The following AGTPBP1 variants were observed in gnomAD, a reference collection of about 807,000 sequenced individuals.
The protein encoded by AGTPBP1 is cytosolic carboxypeptidase 1.
In AGTPBP1, 70 loss-of-function variants were observed where a neutral mutation model predicts 143.9. The observed-to-expected ratio is 0.49, with a 90% CI of 0.40 to 0.59. The LOEUF is 0.59. Ranked by LOEUF, AGTPBP1 falls within the 20% of genes least tolerant of loss-of-function variation. AGTPBP1 has a pLI of 0.00. For missense variants in AGTPBP1, 1,229 were observed against 1,464.5 expected (o/e 0.84, Z 2.62); for synonymous variants, 463 against 500.2 (o/e 0.93, Z 0.99).
At chr9:85,572,693 G>A (rs951296629) in intron 25 of AGTPBP1, among the ~76,000 whole-genome samples, 2 of 152,034 alleles carry the variant, frequency 1.3e-5, no homozygotes, top group Non-Finnish European at 2.9e-5. Context: ...CACCAGTAAC[G>A]GTCTGTTGAC....
chr9:85,724,703 G>C (rs747993547), intron 1 of AGTPBP1, among the ~76,000 whole-genome samples: 14 of 152,110 alleles, frequency 9.2e-5, no homozygotes, highest in Non-Finnish European at 1.2e-4. Context: ...CAATAACACA[G>C]ACAACTAATT....
At chr9:85,721,373 T>C (rs1838101554) in intron 1 of AGTPBP1, among the ~76,000 whole-genome samples, 5 of 152,230 alleles carry the variant, frequency 3.3e-5, no homozygotes, top group East Asian at 1.9e-4. Context: ...ATATTTAGGA[T>C]AGTTAGCTCT....
intron 1 of AGTPBP1, among the ~76,000 whole-genome samples, chr9:85,724,047 G>A (rs936091788): frequency 6.6e-6 from 1 of 152,098 alleles, no homozygotes; most frequent in Non-Finnish European, 1.5e-5. Context: ...AGCACTTTGG[G>A]AGGCCGAGGA....
the AGTPBP1 span, chr9:85,764,709 C>G: frequency 4.9e-5 from 56 of 1,146,480 alleles, 5 homozygotes; most frequent in South Asian, 6.9e-4. Flanking sequence ...ATCTTTTAGG[C>G]CTTAAACACA....
At chr9:85,758,439 G>A in the AGTPBP1 span, among the ~76,000 whole-genome samples, 62 of 152,234 alleles carry the variant, frequency 4.1e-4, no homozygotes, top group Non-Finnish European at 6.8e-4. Context: ...GAGGTCAGGC[G>A]TTCGAAACCA....
the AGTPBP1 span, among the ~76,000 whole-genome samples, chr9:85,784,792 C>T: frequency 5.3e-5 from 8 of 152,230 alleles, no homozygotes; most frequent in East Asian, 7.7e-4. Flanking sequence ...CAGAGTGAGC[C>T]GTGGGGACTG....
intron 19 of AGTPBP1, among the ~76,000 whole-genome samples, chr9:85,591,296 TATG>T (rs760296199): frequency 6.6e-6 from 1 of 152,014 alleles, no homozygotes; most frequent in Non-Finnish European, 1.5e-5. Flanking sequence ...CAGGGTATTT[TATG>T]ATAAGATTAG....
At chr9:85,620,862 T>A (rs979582256) in intron 15 of AGTPBP1, among the ~76,000 whole-genome samples, 1 of 152,306 alleles carries the variant, frequency 6.6e-6, no homozygotes, top group African/African-American at 2.4e-5. Flanking sequence ...CAAGCCAGCA[T>A]TTCATATAAA....
chr9:85,665,522 T>C lies in AGTPBP1; in HGVS notation c.662+3963A>G, dbSNP rs1420157113. 3.3e-5 allele frequency among the ~76,000 whole-genome samples: 5 copies of C among 152,152 alleles called. No homozygotes were observed. In the East Asian group the frequency reaches 7.7e-4, roughly 23 times the overall value. Reference sequence around the variant, plus strand: ...TTATGACAGCCCTAGAAAACTAATATAATAACTTACATGCAATCACTTACA... The same window carrying C: ...TTATGACAGCCCTAGAAAACTAATACAATAACTTACATGCAATCACTTACA... On this transcript the variant is annotated intron_variant, in intron 8 of 25. Transcript: ENST00000357081.
At chr9:85,775,603 T>C in the AGTPBP1 span, among the ~76,000 whole-genome samples, 2 of 148,164 alleles carry the variant, frequency 1.3e-5, no homozygotes, top group Non-Finnish European at 3.0e-5. Flanking sequence ...TATATATAAA[T>C]ATAAAGGGGA....
intron 11 of AGTPBP1, among the ~76,000 whole-genome samples, chr9:85,648,233 G>A (rs1283070022): frequency 6.6e-6 from 1 of 152,186 alleles, no homozygotes; most frequent in African/African-American, 2.4e-5. Flanking sequence ...TACGTAAAGT[G>A]CCAGGCAGAG....
chr9:85,770,940 A>G, the AGTPBP1 span, among the ~76,000 whole-genome samples: 1 of 152,122 alleles, frequency 6.6e-6, no homozygotes, highest in Admixed American at 6.5e-5. Context: ...GAAGTGGTGT[A>G]TCAGTGGCAA....
chr9:85,793,599 T>C, the AGTPBP1 span: 1 of 152,168 alleles, frequency 6.6e-6, no homozygotes, highest in African/African-American at 2.4e-5. Flanking sequence ...AGTATTCTAG[T>C]GGATTGTGAA....
intron 11 of AGTPBP1, among the ~76,000 whole-genome samples, chr9:85,646,922 A>C (rs747303033): frequency 5.3e-5 from 8 of 151,930 alleles, no homozygotes; most frequent in Non-Finnish European, 1.2e-4. Flanking sequence ...AATACCAACG[A>C]TAGCTGGTGT....
intron 17 of AGTPBP1, among the ~76,000 whole-genome samples, chr9:85,610,346 T>C (rs1248573225): frequency 6.6e-6 from 1 of 152,186 alleles, no homozygotes; most frequent in African/African-American, 2.4e-5. Context: ...GACACAGCAC[T>C]ATTTAGTGAC....
chr9:85,714,064 A>G (rs1229426846), intron 1 of AGTPBP1, among the ~76,000 whole-genome samples: 6 of 152,368 alleles, frequency 3.9e-5, no homozygotes, highest in South Asian at 4.1e-4. Flanking sequence ...GTTGAAAAGA[A>G]TAATGGTGAG....
intron 8 of AGTPBP1, among the ~76,000 whole-genome samples, chr9:85,666,046 T>C (rs1195693951): frequency 1.3e-5 from 2 of 152,162 alleles, no homozygotes; most frequent in African/African-American, 2.4e-5. Flanking sequence ...TACTTCCTCA[T>C]ATATTTTTCC....
At chr9:85,660,797 G>A in intron 9 of AGTPBP1, 139 bp downstream of exon 9, 2 of 625,476 alleles carry the variant, frequency 3.2e-6, no homozygotes, top group Non-Finnish European at 5.3e-6. Context: ...ACACTAAAAG[G>A]AAAAATCAAT....
At chr9:85,765,170 CTA>C in the AGTPBP1 span, 1 of 322,876 alleles carries the variant, frequency 3.1e-6, no homozygotes. Context: ...CATTTGGAAA[CTA>C]TTAATTTCCT....
Sources: gnomAD v4.1 joint callset for allele counts (sites outside exome capture counted in the v4.1 genomes callset) on GRCh38, gnomAD v4.1.1 for gene constraint, MANE v1.5 for transcripts, NCBI Gene and HGNC (gene_info 2026-07-23, HGNC 2026-07-21) for gene names.